The following UNC13B variants were observed in gnomAD, a reference collection of about 807,000 sequenced individuals.
The protein encoded by UNC13B is unc-13 homolog B.
UNC13B carries 144 observed loss-of-function variants against 211.0 expected under a neutral mutation model. The observed-to-expected ratio is 0.68, with a 90% CI of 0.60 to 0.78. The LOEUF is 0.78. UNC13B is among the 30% of genes least tolerant of loss of function. The probability of loss-of-function intolerance (pLI) is 0.00; values close to 1 mark genes in which losing one functional copy is unlikely to be tolerated. For missense variants in UNC13B, 1,777 were observed against 2,002.0 expected (o/e 0.89, Z 2.14); for synonymous variants, 709 against 725.8 (o/e 0.98, Z 0.37).
intron 1 of UNC13B, among the ~76,000 whole-genome samples, chr9:35,223,381 G>T (rs941703907): frequency 4.0e-4 from 61 of 152,142 alleles, no homozygotes; most frequent in African/African-American, 1.4e-3. Flanking sequence ...TTTGGTGATA[G>T]CCATTCTAAC....
At chr9:35,255,158 C>G (rs561872999) in intron 6 of UNC13B, among the ~76,000 whole-genome samples, 29 of 143,934 alleles carry the variant, frequency 2.0e-4, no homozygotes, top group Non-Finnish European at 3.9e-4. Flanking sequence ...CAGTGGCACT[C>G]CAGTGATCCG....
intron 3 of UNC13B, among the ~76,000 whole-genome samples, chr9:35,235,599 C>T (rs1825454942): frequency 6.6e-6 from 1 of 152,072 alleles, no homozygotes; most frequent in South Asian, 2.1e-4. Context: ...CCACCATGCC[C>T]AGCTAATTTT....
chr9:35,318,941 A>G (rs1830597732), intron 11 of UNC13B, among the ~76,000 whole-genome samples: 1 of 152,210 alleles, frequency 6.6e-6, no homozygotes, highest in South Asian at 2.1e-4. Context: ...AGCAACCAAC[A>G]CCTGGAACAC....
chr9:35,241,599 CCAT>C (rs142601256), intron 5 of UNC13B, among the ~76,000 whole-genome samples: 4,593 of 116,916 alleles, frequency 0.039, 82 homozygotes, highest in Middle Eastern at 0.08. Context: ...ACACACACCA[CCAT>C]CTTCTTTTTA....
intron 6 of UNC13B, among the ~76,000 whole-genome samples, chr9:35,254,459 T>G (rs973606049): frequency 9.2e-5 from 14 of 152,136 alleles, no homozygotes; most frequent in Non-Finnish European, 1.9e-4. Flanking sequence ...GTCTCCACCC[T>G]TATGACCTAA....
intron 7 of UNC13B, among the ~76,000 whole-genome samples, chr9:35,274,316 C>G (rs1828052572): frequency 6.6e-6 from 1 of 152,096 alleles, no homozygotes; most frequent in African/African-American, 2.4e-5. Flanking sequence ...TCAAGCTATC[C>G]TCTGCCTTAG....
chr9:35,377,556 G>A lies in UNC13B; in HGVS notation c.9924G>A (p.Glu3308=), dbSNP rs768228045. Reference sequence around the variant, plus strand: ...TGAAGGACCGCATGAAGATCCGAGAGCGAAATAAGCCAGAGATCTTTGAAG... The same window carrying A: ...TGAAGGACCGCATGAAGATCCGAGAACGAAATAAGCCAGAGATCTTTGAAG... ...MAMKDRMKIR[E]RNKPEIFEVI... is the part of the protein sequence containing the mutation. The change falls in exon 16 of 40, where the codon GAG becomes GAA. Residue 3308 remains glutamate, a synonymous_variant. Transcript: ENST00000635942. 3 of 1,614,254 alleles carry A rather than the reference G, an allele frequency of 1.9e-6. No homozygotes were observed. The highest frequency in any genetic ancestry group is 2.5e-6 in the Non-Finnish European group (3 of 1,180,048).
At chr9:35,346,077 A>G (rs1229826726) in intron 11 of UNC13B, among the ~76,000 whole-genome samples, 1 of 152,176 alleles carries the variant, frequency 6.6e-6, no homozygotes, top group East Asian at 1.9e-4. Flanking sequence ...CTCACTTGCC[A>G]TATCTTGTGC....
intron 37 of UNC13B, among the ~76,000 whole-genome samples, chr9:35,402,270 T>G (rs1035674437): frequency 6.6e-6 from 1 of 150,666 alleles, no homozygotes; most frequent in African/African-American, 2.5e-5. Context: ...TGTGGTGGTG[T>G]TTTCTTTTTT....
At chr9:35,205,823 C>A (rs1323611817) in intron 1 of UNC13B, among the ~76,000 whole-genome samples, 1 of 152,130 alleles carries the variant, frequency 6.6e-6, no homozygotes, top group Non-Finnish European at 1.5e-5. Flanking sequence ...ATTGTTTCCA[C>A]TTTTGGACTG....
chr9:35,175,775 G>A (rs1255871458), intron 1 of UNC13B, among the ~76,000 whole-genome samples: 1 of 152,004 alleles, frequency 6.6e-6, no homozygotes, highest in East Asian at 1.9e-4. Flanking sequence ...CCAGCACTTT[G>A]GGAGGCCAAG....
chr9:35,255,048 A>T (rs1221268954), intron 6 of UNC13B, among the ~76,000 whole-genome samples: 2 of 118,764 alleles, frequency 1.7e-5, no homozygotes, highest in South Asian at 2.2e-4. Flanking sequence ...TATTATATAT[A>T]ATATAATATA....
intron 24 of UNC13B, among the ~76,000 whole-genome samples, chr9:35,386,785 C>T (rs1835219883): frequency 6.6e-6 from 1 of 152,164 alleles, no homozygotes; most frequent in Non-Finnish European, 1.5e-5. Flanking sequence ...GCTATCAAGA[C>T]TGACCCTATC....
chr9:35,227,233 T>C (rs1280050593), intron 1 of UNC13B, among the ~76,000 whole-genome samples: 1 of 152,216 alleles, frequency 6.6e-6, no homozygotes, highest in Non-Finnish European at 1.5e-5. Context: ...TTAGAAGTAT[T>C]AAGCAGGACT....
At position 35,353,460 on chromosome 9, in the gene UNC13B, C is replaced by G. The variant is rs964558693; in HGVS notation, c.9415-13487C>G. ...GCCCAGGATTGCTCACTGGAGAGCC[C>G]TGGGAGTCAGGGGAGTGAAAGCTTG... is the stretch of plus-strand genomic sequence containing the variant. On this transcript the variant is annotated intron_variant, in intron 11 of 39. Coordinates refer to ENST00000635942, the MANE Select transcript of UNC13B (RefSeq NM_001371189.2). 1.2e-5 allele frequency: 15 copies of G among 1,232,220 alleles called. No homozygotes were observed. In the African/African-American group the frequency reaches 1.2e-4, roughly 10 times the overall value. The allele number at this position is 1,232,220 out of a possible 1,614,324, so 76.3% of individuals were successfully genotyped here.
At chr9:35,298,177 G>A (rs1390882693) in intron 8 of UNC13B, among the ~76,000 whole-genome samples, 4 of 152,184 alleles carry the variant, frequency 2.6e-5, no homozygotes, top group Non-Finnish European at 5.9e-5. Flanking sequence ...CCAGCACTTT[G>A]GGAGGCCAAG....
chr9:35,184,484 G>C (rs1295451094), intron 1 of UNC13B, among the ~76,000 whole-genome samples: 2 of 152,232 alleles, frequency 1.3e-5, no homozygotes, highest in African/African-American at 4.8e-5. Flanking sequence ...GAGGCGGGCA[G>C]ATCACTCGAG....
At chr9:35,343,220 A>G (rs1686896364) in intron 11 of UNC13B, among the ~76,000 whole-genome samples, 1 of 152,266 alleles carries the variant, frequency 6.6e-6, no homozygotes, top group South Asian at 2.1e-4. Flanking sequence ...CAGTAACAAC[A>G]AACCTCCTGC....
At chr9:35,340,953 G>A (rs562264473) in intron 11 of UNC13B, among the ~76,000 whole-genome samples, 2 of 152,262 alleles carry the variant, frequency 1.3e-5, no homozygotes, top group Non-Finnish European at 2.9e-5. Flanking sequence ...TGAAGATAAG[G>A]ACATTCAATT....
Sources: allele counts gnomAD v4.1 joint callset (sites outside exome capture counted in the v4.1 genomes callset), GRCh38; gene constraint gnomAD v4.1.1; transcripts MANE v1.5; gene names NCBI Gene and HGNC (gene_info 2026-07-23, HGNC 2026-07-21).